Variants in CNTN1 observed in about 807,000 individuals in gnomAD.
CNTN1 encodes the protein contactin 1.
Under a neutral mutation model 126.4 loss-of-function variants are expected in CNTN1, and 38 were observed. The observed-to-expected ratio is 0.30, with a 90% CI of 0.23 to 0.39. The LOEUF is 0.39. Ranked by LOEUF, CNTN1 falls within the 10% of genes least tolerant of loss-of-function variation. The pLI is 1.00. For missense variants in CNTN1, 1,009 were observed against 1,248.4 expected (o/e 0.81, Z 2.89); for synonymous variants, 413 against 422.6 (o/e 0.98, Z 0.28).
intron 1 of CNTN1, among the ~76,000 whole-genome samples, chr12:40,855,504 A>C (rs1032873825): frequency 6.6e-6 from 1 of 152,024 alleles, no homozygotes. Flanking sequence ...TATATATCAT[A>C]TGCTCAAAAG....
chr12:40,712,794 A>G (rs1408991783), intron 1 of CNTN1, among the ~76,000 whole-genome samples: 1 of 152,098 alleles, frequency 6.6e-6, no homozygotes. Flanking sequence ...GTAATATGCT[A>G]TCGTTTGGAT....
At chr12:40,790,481 A>T (rs2136464520) in intron 1 of CNTN1, among the ~76,000 whole-genome samples, 1 of 152,224 alleles carries the variant, frequency 6.6e-6, no homozygotes. Context: ...AGGCACTAGG[A>T]ATTTTCTCTG....
chr12:40,759,020 C>G (rs762556452), intron 1 of CNTN1, among the ~76,000 whole-genome samples: 1 of 152,124 alleles, frequency 6.6e-6, no homozygotes, highest in South Asian at 2.1e-4. Flanking sequence ...TCTCCTGCCT[C>G]GGCCTCCCAA....
chr12:40,816,844 C>A (rs973085085), intron 1 of CNTN1, among the ~76,000 whole-genome samples: 6 of 152,148 alleles, frequency 3.9e-5, no homozygotes, highest in Non-Finnish European at 8.8e-5. Flanking sequence ...TACATTGTCT[C>A]TTTGTTCTCA....
At chr12:41,004,412 T>G (rs185209708) in intron 17 of CNTN1, among the ~76,000 whole-genome samples, 1 of 152,324 alleles carries the variant, frequency 6.6e-6, no homozygotes, top group Admixed American at 6.5e-5. Flanking sequence ...GAATATATAT[T>G]CTGTTATTTT....
chr12:40,816,249 G>A (rs977985814), intron 1 of CNTN1, among the ~76,000 whole-genome samples: 1 of 152,092 alleles, frequency 6.6e-6, no homozygotes, highest in African/African-American at 2.4e-5. Context: ...TTGTATTTCT[G>A]GTAGAATTCA....
chr12:40,871,541 A>G (rs1943495064), intron 1 of CNTN1, among the ~76,000 whole-genome samples: 1 of 152,170 alleles, frequency 6.6e-6, no homozygotes, highest in African/African-American at 2.4e-5. Context: ...TTGGATATCA[A>G]TGGAGAGAAG....
At chr12:40,776,270 A>T (rs934766631) in intron 1 of CNTN1, among the ~76,000 whole-genome samples, 2 of 151,838 alleles carry the variant, frequency 1.3e-5, no homozygotes, top group East Asian at 3.9e-4. Flanking sequence ...TCTCAACAAG[A>T]GTTGGACACA....
intron 15 of CNTN1, among the ~76,000 whole-genome samples, chr12:40,962,864 A>G (rs1947154976): frequency 6.6e-6 from 1 of 152,152 alleles, no homozygotes; most frequent in Non-Finnish European, 1.5e-5. Context: ...TGGCTTTTAT[A>G]TGAGTTATAT....
At chr12:40,866,341 TA>T (rs1171166536) in intron 1 of CNTN1, among the ~76,000 whole-genome samples, 1 of 152,126 alleles carries the variant, frequency 6.6e-6, no homozygotes, top group African/African-American at 2.4e-5. Context: ...GAACTTTCAG[TA>T]AAATGTTCAG....
At chr12:40,969,906 T>C (rs1273327647) in intron 15 of CNTN1, among the ~76,000 whole-genome samples, 1 of 152,138 alleles carries the variant, frequency 6.6e-6, no homozygotes, top group Non-Finnish European at 1.5e-5. Context: ...AGTGTAGAGA[T>C]CCCTTGTGTA....
intron 14 of CNTN1, among the ~76,000 whole-genome samples, chr12:40,946,582 A>C (rs1349950818): frequency 6.6e-6 from 1 of 152,116 alleles, no homozygotes; most frequent in African/African-American, 2.4e-5. Context: ...GTTTTTTGGT[A>C]GCTATTACAG....
At chr12:41,010,424 T>G (rs1286111058) in intron 17 of CNTN1, among the ~76,000 whole-genome samples, 2 of 152,202 alleles carry the variant, frequency 1.3e-5, no homozygotes, top group Non-Finnish European at 2.9e-5. Flanking sequence ...TCAGGGATCC[T>G]GGGCTTTGTA....
rs1370186435 is a variant in CNTN1 at position 40,798,952 on chromosome 12, T to A, written c.-77+106360T>A. On this transcript the variant is annotated intron_variant, in intron 1 of 23. Transcript: ENST00000551295. The stretch of plus-strand genomic sequence containing the variant: ...CTCTCTAGTCAGAAGCAGAATACAA[T>A]ATAAGCATAACATTCTAACTTATTT... 2.0e-5 allele frequency among the ~76,000 whole-genome samples: 3 copies of A among 150,838 alleles called. No individual in the cohort carries two copies. The Admixed American group carries it at 2.0e-4, about 10-fold the overall frequency.
chr12:40,765,359 A>G (rs1939038055), intron 1 of CNTN1, among the ~76,000 whole-genome samples: 1 of 152,192 alleles, frequency 6.6e-6, no homozygotes, highest in Non-Finnish European at 1.5e-5. Flanking sequence ...CCAGGAGTAC[A>G]GTATAAAAGT....
Position 40,922,243 on chromosome 12 carries a change from C to A in CNTN1, c.228-13C>A, listed in dbSNP as rs1338961156. 2.5e-6 allele frequency: 4 copies of A among 1,613,012 alleles called. No individual in the cohort carries two copies. In the African/African-American group the frequency reaches 4.0e-5, roughly 16 times the overall value. Reference sequence around the variant, plus strand: ...ATGACCTGTGATATGACCTTTGTGTCTTTTTCTCATAGATGGAGAATGAAT... The same window carrying A: ...ATGACCTGTGATATGACCTTTGTGTATTTTTCTCATAGATGGAGAATGAAT... On this transcript the variant is annotated splice_polypyrimidine_tract_variant and intron_variant, in intron 4 of 23. Transcript: ENST00000551295.
In CNTN1 at chr12:41,022,061, A is replaced by G. The variant is rs549278391; in HGVS notation, c.2523+1621A>G. Among the ~76,000 whole-genome samples the G allele has an allele frequency of 8.7e-4, 132 of 152,248 alleles. 1 individual carries two copies. Among genetic ancestry groups the G allele is most frequent in the East Asian group, 1.5e-3 (8 of 5,188 alleles). On this transcript the variant is annotated intron_variant, in intron 20 of 23. Transcript: ENST00000551295. ...TGACATATTTTACTTTATTTAAAAC[A>G]TGCTAGAAAATTATATATTATCTTT...
rs555910962 is a variant in CNTN1 at position 40,991,132 on chromosome 12, G to T, written c.1964-1988G>T. On this transcript the variant is annotated intron_variant, in intron 16 of 23. Transcript: ENST00000551295. ...AGACCAAAATCAAGGTGGTGGCAGG[G>T]CTGCATCCTCTCCAAAGGCTCCATT... 1.2e-4 allele frequency among the ~76,000 whole-genome samples: 18 copies of T among 152,184 alleles called. 1 individual carries two copies. In the East Asian group the frequency reaches 2.1e-3, roughly 18 times the overall value.
chr12:40,868,490 A>G (rs1943375837), intron 1 of CNTN1, among the ~76,000 whole-genome samples: 1 of 152,140 alleles, frequency 6.6e-6, no homozygotes, highest in Non-Finnish European at 1.5e-5. Flanking sequence ...TAATTTCTAT[A>G]AAGTCTACAA....
Sources: gnomAD v4.1 joint callset for allele counts (sites outside exome capture counted in the v4.1 genomes callset) on GRCh38, gnomAD v4.1.1 for gene constraint, MANE v1.5 for transcripts, NCBI Gene and HGNC (gene_info 2026-07-23, HGNC 2026-07-21) for gene names.